PPARG: variants seen among roughly 807,000 people sequenced by gnomAD.
The protein encoded by PPARG is peroxisome proliferator-activated receptor gamma.
Under a neutral mutation model 39.2 loss-of-function variants are expected in PPARG, and 17 were observed. That is an observed-to-expected ratio of 0.43 (90% CI 0.30 to 0.65). PPARG has a LOEUF of 0.65. Ranked by LOEUF, PPARG falls within the 30% of genes least tolerant of loss-of-function variation. The pLI, the probability that PPARG is intolerant of heterozygous loss-of-function variation, is 0.13. For missense variants in PPARG, 406 were observed against 585.9 expected, an observed-to-expected ratio of 0.69 and a Z score of 3.17; for synonymous variants, 223 against 215.7, an observed-to-expected ratio of 1.03 and a Z score of -0.30.
At chr3:12,423,705 C>G (rs968491597) in intron 7 of PPARG, among the ~76,000 whole-genome samples, 1 of 152,210 alleles carries the variant, frequency 6.6e-6, no homozygotes, top group South Asian at 2.1e-4. Flanking sequence ...ACAATCAGCC[C>G]GCTTTCTCCC....
At chr3:12,399,346 A>G (rs1575115255) in intron 5 of PPARG, 2 of 456,592 alleles carry the variant, frequency 4.4e-6, no homozygotes, top group East Asian at 1.4e-4. Context: ...GTTTTCCTTT[A>G]GAGGAACTAC....
intron 7 of PPARG, among the ~76,000 whole-genome samples, chr3:12,425,566 G>A (rs1446561663): frequency 2.6e-5 from 4 of 152,164 alleles, no homozygotes; most frequent in Non-Finnish European, 5.9e-5. Context: ...CATGGAGATG[G>A]CAGGTTAGTG....
At chr3:12,295,600 G>A (rs933277763) in intron 1 of PPARG, among the ~76,000 whole-genome samples, 4 of 150,378 alleles carry the variant, frequency 2.7e-5, no homozygotes, top group Admixed American at 6.7e-5. Context: ...TGCAACCTCC[G>A]CCTCCCAGGT....
Position 12,418,654 on chromosome 3 carries a change from G to A in PPARG, c.1180+1500G>A, listed in dbSNP as rs566870492. ...TCCTCACAACAATTCAGGGAAGTAA[G>A]GACCATTTTACAAATGAGGAAACCA... On this transcript the variant is annotated intron_variant, in intron 7 of 7. Coordinates refer to ENST00000651735, the MANE Select transcript of PPARG (RefSeq NM_138711.6). 2.6e-5 allele frequency among the ~76,000 whole-genome samples: 4 copies of A among 152,302 alleles called. No individual in the cohort carries two copies. In the South Asian group the frequency reaches 8.3e-4, roughly 32 times the overall value.
intron 1 of PPARG, among the ~76,000 whole-genome samples, chr3:12,307,184 GA>G (rs2124975655): frequency 8.2e-6 from 1 of 121,846 alleles, no homozygotes; most frequent in South Asian, 2.6e-4. Flanking sequence ...TCTAAATAAA[GA>G]CATTTTATTT....
intron 2 of PPARG, among the ~76,000 whole-genome samples, chr3:12,319,303 C>T (rs2047474439): frequency 6.6e-6 from 1 of 152,120 alleles, no homozygotes; most frequent in East Asian, 1.9e-4. Flanking sequence ...TTAAGTTGAT[C>T]CTAAAATAAG....
At chr3:12,330,037 TCTA>T (rs1277933595) in intron 2 of PPARG, among the ~76,000 whole-genome samples, 1 of 152,180 alleles carries the variant, frequency 6.6e-6, no homozygotes, top group Non-Finnish European at 1.5e-5. Flanking sequence ...TCTCCATTCA[TCTA>T]CTGATGGATA....
intron 2 of PPARG, among the ~76,000 whole-genome samples, chr3:12,350,024 A>G (rs2048435321): frequency 6.6e-6 from 1 of 152,178 alleles, no homozygotes; most frequent in African/African-American, 2.4e-5. Context: ...GCCAAAGAGT[A>G]ACAGAGACTG....
chr3:12,372,630 T>C (rs2049261025), intron 2 of PPARG, among the ~76,000 whole-genome samples: 1 of 152,178 alleles, frequency 6.6e-6, no homozygotes, highest in Non-Finnish European at 1.5e-5. Flanking sequence ...TTTCTTTTCG[T>C]AAGGGACAAC....
chr3:12,379,882 T>A lies in PPARG; in HGVS notation c.171T>A (p.Asp57Glu). 6.2e-7 allele frequency: 1 copy of A among 1,613,726 alleles called. No homozygotes were observed. The highest frequency in any genetic ancestry group is 2.2e-5 in the East Asian group (1 of 44,876). The change falls in exon 3 of 8, where the codon GAT becomes GAA. Residue 57 changes from aspartate (D) to glutamate (E), a missense_variant. Physicochemically the swap from Asp to Glu is conservative, Grantham distance 45. Coordinates refer to ENST00000651735, the MANE Select transcript of PPARG (RefSeq NM_138711.6). Reference protein sequence around the residue: ...HYEDIPFTRTDPVVADYKYDL... With the variant: ...HYEDIPFTRTEPVVADYKYDL... ...AAGACATTCCATTCACAAGAACAGA[T>A]CCAGTGGTTGCAGATTACAAGTATG... is the stretch of plus-strand genomic sequence containing the variant.
At position 12,359,090 on chromosome 3, in the gene PPARG, C is replaced by G. The variant is rs145754119; in HGVS notation, c.-8-20614C>G. Among the ~76,000 whole-genome samples the G allele has an allele frequency of 1.2e-3, 189 of 152,316 alleles. 1 individual carries two copies. Among genetic ancestry groups the G allele is most frequent in the Middle Eastern group, 0.01 (3 of 294 alleles). ...TCCACATTTCTAAAGTACTTACTAT[C>G]TCTATCACGAGTCTGGTCTCTGTAC... On this transcript the variant is annotated intron_variant, in intron 2 of 7. Transcript: ENST00000651735.
intron 5 of PPARG, 79 bp from the exon 6 acceptor site, chr3:12,405,803 C>T (rs1306894620): frequency 1.2e-5 from 17 of 1,448,908 alleles, no homozygotes; most frequent in African/African-American, 2.8e-5. Flanking sequence ...TGTGTGGGAA[C>T]GAGGGCTGGG....
At chr3:12,389,428 A>G (rs2049990207) in intron 4 of PPARG, among the ~76,000 whole-genome samples, 1 of 152,236 alleles carries the variant, frequency 6.6e-6, no homozygotes, top group African/African-American at 2.4e-5. Context: ...ACTGCGGTTA[A>G]ACTGCCGAAT....
intron 2 of PPARG, among the ~76,000 whole-genome samples, chr3:12,365,739 G>A (rs914582850): frequency 6.6e-6 from 1 of 152,046 alleles, no homozygotes; most frequent in African/African-American, 2.4e-5. Flanking sequence ...TCTGGGCTCT[G>A]TATTCTGTTC....
At chr3:12,310,236 G>A (rs867735790) in intron 1 of PPARG, among the ~76,000 whole-genome samples, 2 of 152,060 alleles carry the variant, frequency 1.3e-5, no homozygotes, top group African/African-American at 4.8e-5. Context: ...GACACTTGGG[G>A]CTACACACTA....
At chr3:12,348,298 C>G (rs1295007589) in intron 2 of PPARG, among the ~76,000 whole-genome samples, 1 of 152,118 alleles carries the variant, frequency 6.6e-6, no homozygotes, top group Non-Finnish European at 1.5e-5. Context: ...TTGAATCATT[C>G]ACAGCTTTTA....
At chr3:12,424,072 C>T (rs1176909045) in intron 7 of PPARG, among the ~76,000 whole-genome samples, 1 of 152,160 alleles carries the variant, frequency 6.6e-6, no homozygotes, top group East Asian at 1.9e-4. Flanking sequence ...AATAATGACT[C>T]GCTTTGAGTT....
Position 12,392,602 on chromosome 3 carries a change from A to G in PPARG, c.391-12A>G, listed in dbSNP as rs1000050070. 4 of 1,613,588 alleles carry G rather than the reference A, an allele frequency of 2.5e-6. No homozygotes were observed. The highest frequency in any genetic ancestry group is 3.4e-6 in the Non-Finnish European group (4 of 1,179,708). On this transcript the variant is annotated splice_polypyrimidine_tract_variant and intron_variant, in intron 4 of 7. Coordinates refer to ENST00000651735, the MANE Select transcript of PPARG (RefSeq NM_138711.6). ...AAGACTTAAAATTTGCTTCTTTTTT[A>G]TCCCTTTGCAGGGTTTCTTCCGGAG...
At chr3:12,380,048 C>T in intron 3 of PPARG, 117 bp downstream of exon 3, 4 of 932,018 alleles carry the variant, frequency 4.3e-6, no homozygotes, top group South Asian at 4.2e-5. Context: ...AGGCATTCAC[C>T]ATTCATTTAT....
Sources: gnomAD v4.1 joint callset for allele counts (sites outside exome capture counted in the v4.1 genomes callset) on GRCh38, gnomAD v4.1.1 for gene constraint, MANE v1.5 for transcripts, NCBI Gene and HGNC (gene_info 2026-07-23, HGNC 2026-07-21) for gene names.